Variants in DNAH6 observed in about 807,000 individuals in gnomAD.
The protein encoded by DNAH6 is axonemal beta dynein heavy chain 6.
DNAH6 carries 340 observed loss-of-function variants against 491.4 expected under a neutral mutation model. The ratio of observed to expected loss-of-function variants is 0.69; its 90% confidence interval spans 0.63 to 0.76. The LOEUF (loss-of-function observed/expected upper bound fraction) is 0.76. Among genes scored for constraint, DNAH6 ranks in the 30% least tolerant of loss-of-function variants. DNAH6 has a pLI of 0.00. For missense variants in DNAH6, 4,443 were observed against 4,972.2 expected (o/e 0.89, Z 3.20); for synonymous variants, 1,603 against 1,686.1 (o/e 0.95, Z 1.21).
At chr2:84,486,512 G>T in the DNAH6 span, among the ~76,000 whole-genome samples, 1 of 152,154 alleles carries the variant, frequency 6.6e-6, no homozygotes, top group African/African-American at 2.4e-5. Flanking sequence ...GAAAGGTAGG[G>T]AAAACAAATG....
In DNAH6 at chr2:84,701,546, G is replaced by C. The variant is rs918546171; in HGVS notation, c.8061+207G>C. 2.6e-5 allele frequency among the ~76,000 whole-genome samples: 4 copies of C among 152,186 alleles called. No homozygotes were observed. The East Asian group carries it at 7.7e-4, about 29-fold the overall frequency. On this transcript the variant is annotated intron_variant, in intron 49 of 76. Coordinates refer to ENST00000389394, the MANE Select transcript of DNAH6 (RefSeq NM_001370.2). ...TTCTGCAGGTTGTACAGGAAGCATA[G>C]TGCTGGCATCTGCTCAGCTTTTGGG...
At chr2:84,689,550 A>C (rs1694638825) in intron 45 of DNAH6, among the ~76,000 whole-genome samples, 1 of 152,162 alleles carries the variant, frequency 6.6e-6, no homozygotes, top group Admixed American at 6.5e-5. Flanking sequence ...GGGCTCCAAA[A>C]GCAAGTGCTG....
chr2:84,750,060 G>A (rs1017303871), intron 63 of DNAH6, among the ~76,000 whole-genome samples: 38 of 151,704 alleles, frequency 2.5e-4, no homozygotes, highest in Non-Finnish European at 4.0e-4. Flanking sequence ...TTAAACATAC[G>A]CTCACATACA....
Position 84,580,324 on chromosome 2 carries a change from A to G in DNAH6, c.2229+645A>G, listed in dbSNP as rs200865298. On this transcript the variant is annotated intron_variant, in intron 14 of 76. Coordinates refer to ENST00000389394, the MANE Select transcript of DNAH6 (RefSeq NM_001370.2). ...TACACACACATACACACGCACACAC[A>G]CACACACACACACACACACACACAC... 0.011 allele frequency among the ~76,000 whole-genome samples: 87 copies of G among 7,736 alleles called. No homozygotes were observed. The Middle Eastern group carries it at 0.5, about 44-fold the overall frequency. 5.1% of individuals were successfully genotyped at this position (7,736 alleles called of 152,430 possible).
intron 8 of DNAH6, among the ~76,000 whole-genome samples, chr2:84,549,345 G>C (rs1304400154): frequency 1.3e-5 from 2 of 152,174 alleles, no homozygotes; most frequent in African/African-American, 2.4e-5. Flanking sequence ...AGAAGTATTA[G>C]AGGCCTTAGA....
chr2:84,608,649 A>G (rs10205674), intron 21 of DNAH6, among the ~76,000 whole-genome samples: 2,152 of 152,300 alleles, frequency 0.014, 44 homozygotes, highest in African/African-American at 0.049. Context: ...GCTGTCACAC[A>G]GGCTTTGTTG....
chr2:84,533,382 G>A (rs1254978034), intron 4 of DNAH6, among the ~76,000 whole-genome samples: 1 of 152,062 alleles, frequency 6.6e-6, no homozygotes, highest in Non-Finnish European at 1.5e-5. Context: ...TACTAATAAA[G>A]ACCATTTCTA....
chr2:84,702,576 T>C (rs1341256168), intron 49 of DNAH6, among the ~76,000 whole-genome samples: 3 of 148,082 alleles, frequency 2.0e-5, no homozygotes, highest in Non-Finnish European at 3.0e-5. Context: ...GGAGTCTCGC[T>C]CTGTCACCCA....
the DNAH6 span, among the ~76,000 whole-genome samples, chr2:84,497,309 C>G: frequency 6.6e-6 from 1 of 151,620 alleles, no homozygotes; most frequent in Non-Finnish European, 1.5e-5. Flanking sequence ...GTTTTTTTTT[C>G]GTTCAGCTAA....
In DNAH6 at chr2:84,681,458, T is replaced by TATAACAA; in HGVS notation, c.6846_6847insATAACAA (p.Asp2283IlefsTer16). ...TTGAGATTTATAACAAAATGAGTGT[T>TATAACAA]GACCTCCTGCCAACACCCGCCAAGT... is the stretch of plus-strand genomic sequence containing the variant. On this transcript the variant is annotated frameshift_variant, in exon 42 of 77. Coordinates refer to ENST00000389394, the MANE Select transcript of DNAH6 (RefSeq NM_001370.2). LOFTEE classifies it high-confidence loss of function. The TATAACAA allele has an allele frequency of 6.4e-7, 1 of 1,551,480 alleles. No individual in the cohort carries two copies. Among genetic ancestry groups the TATAACAA allele is most frequent in the Non-Finnish European group, 8.7e-7 (1 of 1,146,884 alleles).
intron 52 of DNAH6, 33 bp downstream of exon 52, chr2:84,705,780 T>C (rs1050185776): frequency 6.6e-7 from 1 of 1,523,180 alleles, no homozygotes; most frequent in Non-Finnish European, 8.8e-7. Context: ...TTTTATAGAA[T>C]TGAAGGCCAT....
intron 2 of DNAH6, among the ~76,000 whole-genome samples, chr2:84,519,901 TTGTG>T (rs933214844): frequency 1.3e-5 from 2 of 152,062 alleles, no homozygotes; most frequent in Admixed American, 6.6e-5. Context: ...CAATTTGTAA[TTGTG>T]TGTATTTGTA....
chr2:84,568,476 C>T (rs1681449000), intron 11 of DNAH6, among the ~76,000 whole-genome samples: 1 of 152,144 alleles, frequency 6.6e-6, no homozygotes. Flanking sequence ...AAACAGAAAA[C>T]ACCATGTATT....
rs963963992 is a variant in DNAH6 at position 84,819,550 on chromosome 2, T to C, written c.*142T>C. The C allele has an allele frequency of 1.8e-6, 1 of 549,034 alleles. No homozygotes were observed. Among genetic ancestry groups the C allele is most frequent in the Non-Finnish European group, 3.1e-6 (1 of 318,352 alleles). 34.0% of individuals were successfully genotyped at this position (549,034 alleles called of 1,614,324 possible). A position where few individuals can be genotyped will look rare whatever the true frequency, so the allele number is the denominator to read the frequency against. On this transcript the variant is annotated 3_prime_UTR_variant, in exon 77 of 77. Transcript: ENST00000389394. ...CGTATTGTGACTTTTATTTCTCTTATGACCTTAAAATAAAGTGTTTGAGTT... is the reference window on the plus strand; with the variant it reads ...CGTATTGTGACTTTTATTTCTCTTACGACCTTAAAATAAAGTGTTTGAGTT...
intron 37 of DNAH6, among the ~76,000 whole-genome samples, chr2:84,661,190 C>T (rs1223664183): frequency 1.1e-4 from 16 of 151,976 alleles, no homozygotes; most frequent in Admixed American, 1.0e-3. Flanking sequence ...ATCTAATTCA[C>T]CCTCTCTACT....
chr2:84,755,598 A>C lies in DNAH6; in HGVS notation c.10513-7157A>C, dbSNP rs918393414. 3.3e-5 allele frequency among the ~76,000 whole-genome samples: 5 copies of C among 152,170 alleles called. No homozygotes were observed. In the South Asian group the frequency reaches 1.0e-3, roughly 31 times the overall value. ...ACAAAATCATGTCACCTTCAAATAA[A>C]GATAAATTTACTTCTTCTTTTCCAA... On this transcript the variant is annotated intron_variant, in intron 63 of 76. Transcript: ENST00000389394.
chr2:84,505,193 G>T, the DNAH6 span, among the ~76,000 whole-genome samples: 2 of 151,998 alleles, frequency 1.3e-5, no homozygotes, highest in Non-Finnish European at 2.9e-5. Context: ...ATTTTTGTGG[G>T]TTGATCATGT....
chr2:84,657,005 A>G (rs1412851474), intron 35 of DNAH6, among the ~76,000 whole-genome samples: 2 of 152,026 alleles, frequency 1.3e-5, no homozygotes, highest in East Asian at 3.9e-4. Context: ...GTTAATTTTT[A>G]GGAAGGGTAT....
chr2:84,613,571 G>A (rs1686540248), intron 22 of DNAH6, among the ~76,000 whole-genome samples: 2 of 152,114 alleles, frequency 1.3e-5, no homozygotes, highest in Admixed American at 1.3e-4. Flanking sequence ...AGGAGCTGTA[G>A]TTTAGTGATA....
Sources: allele counts gnomAD v4.1 joint callset (sites outside exome capture counted in the v4.1 genomes callset), GRCh38; gene constraint gnomAD v4.1.1; transcripts MANE v1.5; gene names NCBI Gene and HGNC (gene_info 2026-07-23, HGNC 2026-07-21).